Variants in LSMEM1 observed in about 807,000 individuals in gnomAD.
LSMEM1 encodes leucine-rich single-pass membrane protein 1.
LSMEM1 carries 10 observed loss-of-function variants against 11.3 expected under a neutral mutation model. The observed-to-expected ratio is 0.89, with a 90% CI of 0.55 to 1.50. The LOEUF is 1.50. Among genes scored for constraint, LSMEM1 ranks in the 40% most tolerant of loss-of-function variants. The pLI, the probability that LSMEM1 is intolerant of heterozygous loss-of-function variation, is 0.00. For synonymous variants in LSMEM1, 65 were observed against 59.3 expected (o/e 1.10, Z -0.44); for missense variants, 151 against 152.9 (o/e 0.99, Z 0.06).
chr7:112,487,101 T>C, intron 3 of LSMEM1, 50 bp downstream of exon 3: 1 of 1,596,174 alleles, frequency 6.3e-7, no homozygotes, highest in South Asian at 1.1e-5. Context: ...CATTTATTCA[T>C]AGCTGGTTAA....
rs1563279150 is a variant in LSMEM1 at position 112,484,956 on chromosome 7, G to C, written c.127+13G>C. The stretch of plus-strand genomic sequence containing the variant: ...CAGCATCTGTTCCGTATGTGTGCTG[G>C]GGAAGGCACAGCAGCCCTTCCTAGC... On this transcript the variant is annotated intron_variant, in intron 2 of 3. Coordinates refer to ENST00000312849, the MANE Select transcript of LSMEM1 (RefSeq NM_182597.3). 1 of 1,608,554 alleles carries C rather than the reference G, an allele frequency of 6.2e-7. No individual in the cohort carries two copies.
intron 1 of LSMEM1, among the ~76,000 whole-genome samples, chr7:112,481,564 G>T (rs1563277734): frequency 6.6e-6 from 1 of 152,170 alleles, no homozygotes; most frequent in Non-Finnish European, 1.5e-5. Flanking sequence ...TATTAGCTTT[G>T]AATTATGCCC....
At chr7:112,485,563 C>T (rs1796112494) in intron 2 of LSMEM1, among the ~76,000 whole-genome samples, 1 of 152,150 alleles carries the variant, frequency 6.6e-6, no homozygotes, top group Non-Finnish European at 1.5e-5. Flanking sequence ...GTTTCATATG[C>T]ACTCTAAACT....
chr7:112,487,185 A>AATGAAAAGAAGGG, intron 3 of LSMEM1, 134 bp downstream of exon 3: 2 of 1,086,780 alleles, frequency 1.8e-6, no homozygotes, highest in Non-Finnish European at 2.6e-6. Flanking sequence ...AAAAAGAAGG[A>AATGAAAAGAAGGG]ATGCCTTGAG....
At chr7:112,480,550 A>G (rs1796009423), upstream of LSMEM1, among the ~76,000 whole-genome samples, 1 of 152,184 alleles carries the variant, frequency 6.6e-6, no homozygotes, top group Non-Finnish European at 1.5e-5. Flanking sequence ...AGCATCTTTT[A>G]TGTACAGCAG....
At chr7:112,485,618 C>T (rs1391118776) in intron 2 of LSMEM1, among the ~76,000 whole-genome samples, 1 of 152,110 alleles carries the variant, frequency 6.6e-6, no homozygotes, top group Non-Finnish European at 1.5e-5. Context: ...TAAATCCTTT[C>T]CAAGTTCCTC....
intron 1 of LSMEM1, chr7:112,483,421 A>G (rs549172542): frequency 6.6e-6 from 1 of 152,318 alleles, no homozygotes; most frequent in South Asian, 2.1e-4. Context: ...CAGGTGTTCC[A>G]TCTTAACATA....
chr7:112,484,954 T>C lies in LSMEM1; in HGVS notation c.127+11T>C, dbSNP rs779372931. 1 of 1,581,078 alleles carries C rather than the reference T, an allele frequency of 6.3e-7. No individual in the cohort carries two copies. The highest frequency in any genetic ancestry group is 1.4e-5 in the African/African-American group (1 of 73,734). On this transcript the variant is annotated intron_variant, in intron 2 of 3. Transcript: ENST00000312849. The stretch of plus-strand genomic sequence containing the variant: ...CGCAGCATCTGTTCCGTATGTGTGC[T>C]GGGGAAGGCACAGCAGCCCTTCCTA...
At chr7:112,486,572 T>TTC in intron 2 of LSMEM1, 1 of 304,010 alleles carries the variant, frequency 3.3e-6, no homozygotes, top group Non-Finnish European at 6.7e-6. Context: ...GTCAGGAGAT[T>TTC]GAGACCATCC....
chr7:112,486,780 A>T, intron 2 of LSMEM1, 143 bp from the exon 3 acceptor site: 6 of 1,198,802 alleles, frequency 5.0e-6, no homozygotes, highest in Non-Finnish European at 6.9e-6. Context: ...TGTCTCAAAA[A>T]AAAAGAGTCA....
At chr7:112,485,031 T>TGGGGG in intron 2 of LSMEM1, 88 bp downstream of exon 2, 122 of 1,199,130 alleles carry the variant, frequency 1.0e-4, no homozygotes, top group Non-Finnish European at 1.2e-4. Flanking sequence ...GTGGGTGTGG[T>TGGGGG]GGAGGGGGAG....
At chr7:112,480,586 G>C (rs1349111877), upstream of LSMEM1, among the ~76,000 whole-genome samples, 1 of 152,212 alleles carries the variant, frequency 6.6e-6, no homozygotes, top group Non-Finnish European at 1.5e-5. Flanking sequence ...TGGCATGTAT[G>C]TGAGGGAACC....
In LSMEM1 at chr7:112,490,167, C is replaced by T. The variant is rs562810512; in HGVS notation, c.*218C>T. ...AAAAAGGGGTGAACTTGTCTCAGCC[C>T]CCTTTTATGGTAGGGCACTTCAACT... On this transcript the variant is annotated 3_prime_UTR_variant, in exon 4 of 4. Coordinates refer to ENST00000312849, the MANE Select transcript of LSMEM1 (RefSeq NM_182597.3). 2.2e-6 allele frequency: 1 copy of T among 453,982 alleles called. No individual in the cohort carries two copies. The highest frequency in any genetic ancestry group is 3.5e-5 in the East Asian group (1 of 28,280). The allele number at this position is 453,982 out of a possible 1,614,324, so 28.1% of individuals were successfully genotyped here. A position where few individuals can be genotyped will look rare whatever the true frequency, so the allele number is the denominator to read the frequency against.
intron 3 of LSMEM1, 103 bp downstream of exon 3, chr7:112,487,154 G>A (rs962479996): frequency 1.6e-6 from 2 of 1,225,354 alleles, no homozygotes; most frequent in Middle Eastern, 2.3e-4. Flanking sequence ...AATGCTTCCT[G>A]GTCATCAATG....
chr7:112,487,092 A>G (rs779936700), intron 3 of LSMEM1, 41 bp downstream of exon 3: 3 of 1,603,458 alleles, frequency 1.9e-6, no homozygotes, highest in African/African-American at 1.4e-5. Flanking sequence ...ACTTGTATGC[A>G]TTTATTCATA....
chr7:112,487,153 T>A, intron 3 of LSMEM1, 102 bp downstream of exon 3: 2 of 1,294,204 alleles, frequency 1.5e-6, no homozygotes, highest in South Asian at 1.3e-5. Flanking sequence ...CAATGCTTCC[T>A]GGTCATCAAT....
At chr7:112,487,858 C>G (rs928625452) in intron 3 of LSMEM1, among the ~76,000 whole-genome samples, 1 of 152,364 alleles carries the variant, frequency 6.6e-6, no homozygotes, top group East Asian at 1.9e-4. Context: ...GCAGACAGAG[C>G]CTAAGGGAAG....
In LSMEM1 at chr7:112,485,071, A is replaced by G. The variant is rs573138398; in HGVS notation, c.127+128A>G. On this transcript the variant is annotated intron_variant, in intron 2 of 3. Transcript: ENST00000312849. ...CATTAGGAAGAGGTTGGCACTGGAA[A>G]TGTTATTTGTTGTTGGGCAATTTTG... The G allele has an allele frequency of 1.8e-5, 21 of 1,152,806 alleles. No individual in the cohort carries two copies. The South Asian group carries it at 3.4e-4, about 19-fold the overall frequency. The allele number at this position is 1,152,806 out of a possible 1,614,324, so 71.4% of individuals were successfully genotyped here. A position where few individuals can be genotyped will look rare whatever the true frequency, so the allele number is the denominator to read the frequency against.
rs141080142 is a variant in LSMEM1 at position 112,489,734 on chromosome 7, C to T, written c.257-76C>T. ...AGTGTCTTTCAGCATCAGCTGAGCA[C>T]CAACATGGGGATCTGATGAATTTCA... On this transcript the variant is annotated intron_variant, in intron 3 of 3. Transcript: ENST00000312849. The T allele has an allele frequency of 2.3e-3, 3,430 of 1,513,822 alleles. 6 individuals carry two copies. The highest frequency in any genetic ancestry group is 2.8e-3 in the Admixed American group (141 of 50,912). 93.8% of individuals were successfully genotyped at this position (1,513,822 alleles called of 1,614,324 possible).
Sources: allele counts gnomAD v4.1 joint callset (sites outside exome capture counted in the v4.1 genomes callset), GRCh38; gene constraint gnomAD v4.1.1; transcripts MANE v1.5; gene names NCBI Gene and HGNC (gene_info 2026-07-23, HGNC 2026-07-21).